The following APBA2 variants were observed in gnomAD, a reference collection of about 807,000 sequenced individuals.
APBA2 encodes amyloid-beta A4 precursor protein-binding family A member 2.
In APBA2, 30 loss-of-function variants were observed where a neutral mutation model predicts 75.0. The ratio of observed to expected loss-of-function variants is 0.40; its 90% confidence interval spans 0.30 to 0.54. The LOEUF is 0.54. APBA2 is among the 20% of genes least tolerant of loss of function. APBA2 has a pLI of 0.49. For missense variants in APBA2, 801 were observed against 1,016.1 expected, an observed-to-expected ratio of 0.79 and a Z score of 2.88; for synonymous variants, 444 against 409.6, an observed-to-expected ratio of 1.08 and a Z score of -1.01.
At chr15:29,059,717 C>T (rs529258154) in intron 4 of APBA2, among the ~76,000 whole-genome samples, 3 of 152,148 alleles carry the variant, frequency 2.0e-5, no homozygotes, top group South Asian at 2.1e-4. Flanking sequence ...AACCCTGTAT[C>T]GCCCCTAGGA....
At chr15:29,042,772 C>T (rs1286063187) in intron 3 of APBA2, among the ~76,000 whole-genome samples, 1 of 152,072 alleles carries the variant, frequency 6.6e-6, no homozygotes, top group Admixed American at 6.5e-5. Flanking sequence ...CTTGTGGCCG[C>T]TTCTCTGGGG....
intron 2 of APBA2, among the ~76,000 whole-genome samples, chr15:28,940,563 A>G (rs926700691): frequency 4.2e-5 from 6 of 142,012 alleles, no homozygotes; most frequent in African/African-American, 1.1e-4. Context: ...AAAAAAAAAG[A>G]AAAAAAAAAA....
At chr15:29,027,820 C>G (rs1020243923) in intron 3 of APBA2, among the ~76,000 whole-genome samples, 14 of 152,096 alleles carry the variant, frequency 9.2e-5, no homozygotes, top group Non-Finnish European at 1.5e-5. Flanking sequence ...CCAGGATGGT[C>G]TCGATCTCCT....
At chr15:28,957,743 C>T (rs1010020171) in intron 2 of APBA2, among the ~76,000 whole-genome samples, 6 of 152,204 alleles carry the variant, frequency 3.9e-5, no homozygotes, top group Middle Eastern at 3.4e-3. Context: ...TAGGAGAGGG[C>T]GACGGGTGGT....
chr15:28,905,908 A>G (rs1159827124), intron 1 of APBA2, among the ~76,000 whole-genome samples: 2 of 152,164 alleles, frequency 1.3e-5, no homozygotes, highest in African/African-American at 4.8e-5. Flanking sequence ...AACTTTACAG[A>G]AATGCATCAT....
chr15:28,937,659 T>C (rs2034954910), intron 2 of APBA2, among the ~76,000 whole-genome samples: 1 of 151,976 alleles, frequency 6.6e-6, no homozygotes, highest in South Asian at 2.1e-4. Context: ...TCTTTTTTTT[T>C]TCTTTTTTTT....
At position 29,103,358 on chromosome 15, in the gene APBA2, G is replaced by C. The variant is rs77889602; in HGVS notation, c.1524+1574G>C. Among the ~76,000 whole-genome samples the C allele has an allele frequency of 2.0e-4, 31 of 152,360 alleles. No individual in the cohort carries two copies. The South Asian group carries it at 5.8e-3, about 28-fold the overall frequency. ...TGCAGGCTCTGCCCACAGCCCACTTGCAGGAGGCCGCTTGAGCCCTGAGGT... is the reference window on the plus strand; with the variant it reads ...TGCAGGCTCTGCCCACAGCCCACTTCCAGGAGGCCGCTTGAGCCCTGAGGT... On this transcript the variant is annotated intron_variant, in intron 10 of 14. Transcript: ENST00000683413.
intron 3 of APBA2, among the ~76,000 whole-genome samples, chr15:29,008,824 C>T (rs184605012): frequency 4.2e-3 from 638 of 152,334 alleles, no homozygotes; most frequent in Non-Finnish European, 6.6e-3. Context: ...TGCCTTCCCA[C>T]CATTCTCTGG....
At chr15:29,058,963 A>G (rs1000678997) in intron 4 of APBA2, among the ~76,000 whole-genome samples, 2 of 152,184 alleles carry the variant, frequency 1.3e-5, no homozygotes, top group Non-Finnish European at 2.9e-5. Context: ...GTACCATTTG[A>G]TCCTTACTAT....
intron 2 of APBA2, among the ~76,000 whole-genome samples, chr15:28,953,673 G>A (rs2036010930): frequency 6.6e-6 from 1 of 152,132 alleles, no homozygotes; most frequent in Admixed American, 6.5e-5. Flanking sequence ...GACCAGCAGT[G>A]TTTGCCACAG....
At chr15:28,983,937 G>C (rs919647113) in intron 2 of APBA2, among the ~76,000 whole-genome samples, 1 of 152,204 alleles carries the variant, frequency 6.6e-6, no homozygotes, top group African/African-American at 2.4e-5. Flanking sequence ...AGTGGTGCTA[G>C]AAGACCTCTG....
chr15:29,098,300 G>A (rs987645788), intron 8 of APBA2, among the ~76,000 whole-genome samples, 190 bp from the exon 9 acceptor site: 2 of 152,126 alleles, frequency 1.3e-5, no homozygotes, highest in African/African-American at 4.8e-5. Context: ...TCCACCCCAC[G>A]CCAGTGCTTC....
intron 13 of APBA2, among the ~76,000 whole-genome samples, chr15:29,112,458 G>A (rs921408547): frequency 6.6e-6 from 1 of 152,220 alleles, no homozygotes; most frequent in African/African-American, 2.4e-5. Context: ...CTGCATGTGT[G>A]TGTACACGCA....
intron 1 of APBA2, chr15:28,895,518 A>T (rs907884126): frequency 6.6e-6 from 1 of 152,230 alleles, no homozygotes; most frequent in African/African-American, 2.4e-5. Context: ...TTCCCCTTTC[A>T]GGCGGAGGGA....
At chr15:28,944,804 GT>G (rs909921237) in intron 2 of APBA2, among the ~76,000 whole-genome samples, 1 of 152,252 alleles carries the variant, frequency 6.6e-6, no homozygotes, top group Admixed American at 6.5e-5. Flanking sequence ...CTCCTTTGTG[GT>G]TTGGGATGAA....
At chr15:28,972,775 T>C (rs1343594664) in intron 2 of APBA2, among the ~76,000 whole-genome samples, 1 of 152,248 alleles carries the variant, frequency 6.6e-6, no homozygotes, top group Non-Finnish European at 1.5e-5. Flanking sequence ...CATCTGTCGA[T>C]AATTTAAAAA....
intron 1 of APBA2, among the ~76,000 whole-genome samples, chr15:28,919,204 C>T (rs1368192720): frequency 1.3e-5 from 2 of 152,128 alleles, no homozygotes; most frequent in African/African-American, 2.4e-5. Context: ...TCTGCACTTC[C>T]TTGCGAACCT....
chr15:28,909,887 T>G (rs1193983887), intron 1 of APBA2, among the ~76,000 whole-genome samples: 1 of 152,184 alleles, frequency 6.6e-6, no homozygotes, highest in Non-Finnish European at 1.5e-5. Flanking sequence ...ATCCCAGTGC[T>G]CTTGCTAAGA....
chr15:28,899,379 A>G (rs1468000036), intron 1 of APBA2, among the ~76,000 whole-genome samples: 1 of 152,214 alleles, frequency 6.6e-6, no homozygotes, highest in East Asian at 1.9e-4. Context: ...CTGTGAGCCC[A>G]CCAGGATAGG....
Sources: gnomAD v4.1 joint callset for allele counts (sites outside exome capture counted in the v4.1 genomes callset) on GRCh38, gnomAD v4.1.1 for gene constraint, MANE v1.5 for transcripts, NCBI Gene and HGNC (gene_info 2026-07-23, HGNC 2026-07-21) for gene names.